Variants in CSK observed in about 807,000 individuals in gnomAD.
CSK encodes C-terminal Src kinase.
A neutral mutation model predicts 62.3 loss-of-function variants in CSK; 7 were observed. That is an observed-to-expected ratio of 0.11 (90% confidence interval 0.06 to 0.21). The LOEUF (loss-of-function observed/expected upper bound fraction) is 0.21, where lower values mean the gene tolerates loss of function less well. Among genes scored for constraint, CSK ranks in the 10% least tolerant of loss-of-function variants. CSK has a pLI of 1.00. For synonymous variants in CSK, 237 were observed against 246.0 expected (o/e 0.96, Z 0.34); for missense variants, 294 against 613.5 (o/e 0.48, Z 5.50).
intron 12 of CSK, 80 bp downstream of exon 12, chr15:74,802,163 C>A: frequency 1.4e-6 from 2 of 1,480,628 alleles, no homozygotes; most frequent in Non-Finnish European, 1.8e-6. Context: ...TTGGGCCCTG[C>A]CTCCCCAATC....
chr15:74,801,258 A>G (rs958117974), intron 9 of CSK, among the ~76,000 whole-genome samples, 156 bp downstream of exon 9: 2 of 152,218 alleles, frequency 1.3e-5, no homozygotes, highest in Non-Finnish European at 2.9e-5. Context: ...CATTGACTGT[A>G]ACATTGGACA....
Position 74,799,499 on chromosome 15 carries a change from G to T in CSK, c.462+8G>T, listed in dbSNP as rs756071051. ...CTCATGCAGCTGGTGGAGGTGAGCT[G>T]GGGGGTACAGAGCCTTGCTCCCACC... On this transcript the variant is annotated splice_region_variant and intron_variant, in intron 5 of 12. Coordinates refer to ENST00000220003, the MANE Select transcript of CSK (RefSeq NM_004383.3). 1 of 1,610,000 alleles carries T rather than the reference G, an allele frequency of 6.2e-7. No individual in the cohort carries two copies. Among genetic ancestry groups the T allele is most frequent in the Admixed American group, 1.7e-5 (1 of 59,612 alleles).
intron 5 of CSK, 98 bp from the exon 6 acceptor site, chr15:74,800,314 C>T (rs2063768943): frequency 1.3e-5 from 13 of 1,024,726 alleles, no homozygotes; most frequent in Middle Eastern, 2.1e-4. Flanking sequence ...CCAGGCTAGG[C>T]GGGGCTGGCC....
chr15:74,791,167 G>A (rs929411212), intron 1 of CSK, among the ~76,000 whole-genome samples: 26 of 152,204 alleles, frequency 1.7e-4, no homozygotes, highest in Non-Finnish European at 3.5e-4. Flanking sequence ...GATAATCGAG[G>A]CATATTTGAG....
intron 9 of CSK, among the ~76,000 whole-genome samples, chr15:74,801,320 A>G (rs918730317): frequency 2.0e-5 from 3 of 152,232 alleles, no homozygotes; most frequent in Non-Finnish European, 4.4e-5. Context: ...GGAGATAATA[A>G]CAACTTAGAG....
In CSK at chr15:74,786,002, C is replaced by CT. The variant is rs536939856; in HGVS notation, c.-66+3294dup. 9.4e-3 allele frequency among the ~76,000 whole-genome samples: 691 copies of CT among 73,618 alleles called. 29 individuals are homozygous for CT. Among genetic ancestry groups the CT allele is most frequent in the Admixed American group, 0.015 (113 of 7,668 alleles). The allele number at this position is 73,618 out of a possible 152,430, so 48.3% of individuals were successfully genotyped here. On this transcript the variant is annotated intron_variant, in intron 1 of 12. Transcript: ENST00000220003. ...AGGCCTCTTCTCTCTCTCTCTCTCT[C>CT]TTTTTTTTTTTTGTGTGTGTGTGTG...
intron 1 of CSK, among the ~76,000 whole-genome samples, chr15:74,787,215 A>G (rs563652689): frequency 6.6e-6 from 1 of 152,318 alleles, no homozygotes; most frequent in African/African-American, 2.4e-5. Context: ...ATTAAAGTCA[A>G]ATTCAGACCT....
chr15:74,783,523 T>C (rs1411318651), intron 1 of CSK, among the ~76,000 whole-genome samples: 2 of 152,194 alleles, frequency 1.3e-5, no homozygotes, highest in African/African-American at 4.8e-5. Flanking sequence ...CTAGTGGAGT[T>C]AGGCTGGCTG....
At chr15:74,799,588 G>T (rs1459231063) in intron 5 of CSK, 97 bp downstream of exon 5, 109 of 1,307,738 alleles carry the variant, frequency 8.3e-5, no homozygotes, top group Non-Finnish European at 1.1e-4. Context: ...CTTCTGCGTG[G>T]TGACCAGCCA....
chr15:74,796,169 C>T (rs985157537), intron 1 of CSK, among the ~76,000 whole-genome samples: 4 of 151,786 alleles, frequency 2.6e-5, no homozygotes, highest in African/African-American at 7.3e-5. Flanking sequence ...TGCAGTAAGC[C>T]GTGAGTCACC....
At chr15:74,786,543 G>C (rs896121821) in intron 1 of CSK, among the ~76,000 whole-genome samples, 1 of 152,156 alleles carries the variant, frequency 6.6e-6, no homozygotes. Context: ...GGGGATTCTG[G>C]AGCCTCCCAG....
At position 74,786,002 on chromosome 15, in the gene CSK, C is replaced by CTTTTTTTTTTTTTTTT. The variant is rs536939856; in HGVS notation, c.-66+3294_-66+3295insTTTTTTTTTTTTTTTT. ...AGGCCTCTTCTCTCTCTCTCTCTCT[C>CTTTTTTTTTTTTTTTT]TTTTTTTTTTTTGTGTGTGTGTGTG... On this transcript the variant is annotated intron_variant, in intron 1 of 12. Transcript: ENST00000220003. 9.2e-4 allele frequency among the ~76,000 whole-genome samples: 68 copies of CTTTTTTTTTTTTTTTT among 73,602 alleles called. 3 individuals are homozygous for CTTTTTTTTTTTTTTTT. Among genetic ancestry groups the CTTTTTTTTTTTTTTTT allele is most frequent in the Admixed American group, 1.2e-3 (9 of 7,666 alleles). 48.3% of individuals were successfully genotyped at this position (73,602 alleles called of 152,430 possible). A position where few individuals can be genotyped will look rare whatever the true frequency, so the allele number is the denominator to read the frequency against.
intron 1 of CSK, chr15:74,790,877 G>A (rs1040432306): frequency 6.6e-6 from 1 of 152,244 alleles, no homozygotes. Context: ...GGAGCACGGG[G>A]ATGTGTGAGA....
chr15:74,790,038 C>A (rs2063593929), intron 1 of CSK, among the ~76,000 whole-genome samples: 1 of 152,224 alleles, frequency 6.6e-6, no homozygotes, highest in Admixed American at 6.5e-5. Context: ...TCTGGGCACA[C>A]AGGAAGGCTT....
chr15:74,783,515 A>G (rs1285156327), intron 1 of CSK, among the ~76,000 whole-genome samples: 8 of 152,136 alleles, frequency 5.3e-5, no homozygotes, highest in Admixed American at 5.2e-4. Flanking sequence ...CCAGGCCTCT[A>G]GTGGAGTTAG....
intron 1 of CSK, among the ~76,000 whole-genome samples, chr15:74,784,256 G>T (rs772092659): frequency 7.9e-5 from 12 of 152,048 alleles, no homozygotes; most frequent in Non-Finnish European, 1.8e-4. Context: ...ATGCACAGTG[G>T]AGGGGACCCA....
rs375481603 is a variant in CSK, at chr15:74,801,732, A to T, written c.925A>T (p.Asn309Tyr). 6.2e-7 allele frequency: 1 copy of T among 1,613,848 alleles called. No individual in the cohort carries two copies. Among genetic ancestry groups the T allele is most frequent in the African/African-American group, 1.3e-5 (1 of 74,900 alleles). ...CEAMEYLEGN[N>Y]FVHRDLAARN... ...GGCCATGGAATACCTGGAGGGCAAC[A>T]ATTTCGTGCATCGAGACCTGGCTGC... is the stretch of plus-strand genomic sequence containing the variant. Residue 309 changes from asparagine to tyrosine, a missense_variant, in exon 11 of 13, where the codon AAT (asparagine) becomes TAT (tyrosine). By Grantham distance (143) the Asn-to-Tyr change is moderately radical (BLOSUM62 -2). This residue lies in a region of CSK where 26 missense variants were observed against 98.4 expected (regional missense o/e 0.26). Transcript: ENST00000220003.
rs753845912 is a variant in CSK, at chr15:74,800,396, C to A, written c.463-16C>A. 5.0e-6 allele frequency: 8 copies of A among 1,611,976 alleles called. No individual in the cohort carries two copies. The African/African-American group carries it at 1.1e-4, about 22-fold the overall frequency. Reference sequence around the variant, plus strand: ...CTTGGGCTGTCTCTGAGCACCCTGCCCCCCACACCCTGCAGCACTACACCT... The same window carrying A: ...CTTGGGCTGTCTCTGAGCACCCTGCACCCCACACCCTGCAGCACTACACCT... On this transcript the variant is annotated splice_polypyrimidine_tract_variant and intron_variant, in intron 5 of 12. Coordinates refer to ENST00000220003, the MANE Select transcript of CSK (RefSeq NM_004383.3).
chr15:74,788,169 G>C (rs1228723058), intron 1 of CSK, among the ~76,000 whole-genome samples: 1 of 152,196 alleles, frequency 6.6e-6, no homozygotes, highest in Non-Finnish European at 1.5e-5. Flanking sequence ...CCCTCTCTAG[G>C]GCTGCTGGCT....
Sources: gnomAD v4.1 joint callset for allele counts (sites outside exome capture counted in the v4.1 genomes callset) on GRCh38, gnomAD v4.1.1 for gene constraint, gnomAD v4.1.1 regional missense constraint, MANE v1.5 for transcripts, NCBI Gene and HGNC (gene_info 2026-07-23, HGNC 2026-07-21) for gene names.